CYLC1: variants seen among roughly 807,000 people sequenced by gnomAD.
The protein encoded by CYLC1 is cylicin-1.
Under a neutral mutation model 31.6 loss-of-function variants are expected in CYLC1, and 2 were observed. The ratio of observed to expected loss-of-function variants is 0.06; its 90% CI spans 0.03 to 0.20. CYLC1 has a LOEUF of 0.20. CYLC1 is among the 10% of genes least tolerant of loss of function. The probability of loss-of-function intolerance (pLI) is 1.00; values close to 1 mark genes in which losing one functional copy is unlikely to be tolerated. For synonymous variants in CYLC1, 185 were observed against 153.0 expected (o/e 1.21, Z -1.54); for missense variants, 595 against 424.1 (o/e 1.40, Z -3.54).
intron 4 of CYLC1, among the ~76,000 whole-genome samples, chrX:83,886,045 A>AT (rs768113953): frequency 2.2e-4 from 24 of 111,311 alleles, no homozygotes; most frequent in Middle Eastern, 9.4e-3. Flanking sequence ...AGAAATCTTC[A>AT]TTTTTGTGGA....
At chrX:83,861,465 C>T (rs1346654841) in intron 1 of CYLC1, among the ~76,000 whole-genome samples, 1 of 111,816 alleles carries the variant, frequency 8.9e-6, no homozygotes, top group Non-Finnish European at 1.9e-5. Flanking sequence ...CTTATAACTA[C>T]ATCTTGTTTT....
intron 1 of CYLC1, among the ~76,000 whole-genome samples, chrX:83,863,761 C>T (rs945836438): frequency 8.9e-6 from 1 of 111,880 alleles, no homozygotes; most frequent in East Asian, 2.8e-4. Flanking sequence ...CCTGTTAGAG[C>T]AGATGCTTTC....
chrX:83,885,169 A>G (rs754263371), intron 4 of CYLC1, among the ~76,000 whole-genome samples: 1 of 111,218 alleles, frequency 9.0e-6, no homozygotes, highest in South Asian at 3.7e-4. Context: ...CCCAAATCAC[A>G]ATATACAGGT....
At chrX:83,883,498 G>T (rs2031940669) in intron 4 of CYLC1, among the ~76,000 whole-genome samples, 1 of 111,676 alleles carries the variant, frequency 9.0e-6, no homozygotes, top group Non-Finnish European at 1.9e-5. Context: ...GGAAGTTAAA[G>T]TTTTCACCTA....
At chrX:83,864,033 A>AT (rs2031555479) in intron 1 of CYLC1, among the ~76,000 whole-genome samples, 1 of 111,303 alleles carries the variant, frequency 9.0e-6, no homozygotes, top group Non-Finnish European at 1.9e-5. Flanking sequence ...TGCCTTCATC[A>AT]TCACATGGCA....
chrX:83,878,537 T>C (rs1386716859), intron 4 of CYLC1, among the ~76,000 whole-genome samples: 2 of 80,267 alleles, frequency 2.5e-5, no homozygotes, highest in Admixed American at 1.9e-4. Flanking sequence ...AGCAGCTATA[T>C]ATATGAAAAT....
At chrX:83,865,905 G>A (rs1283194797) in intron 1 of CYLC1, among the ~76,000 whole-genome samples, 2 of 110,729 alleles carry the variant, frequency 1.8e-5, no homozygotes, top group Non-Finnish European at 3.8e-5. Flanking sequence ...GTATCTTTAG[G>A]GTATATTATT....
Position 83,872,974 on chromosome X carries a change from C to G in CYLC1, c.266C>G (p.Pro89Arg). Residue 89 changes from proline (P) to arginine (R), a missense_variant, in exon 4 of 5, where the codon CCC becomes CGC. Physicochemically the swap from Pro to Arg is moderately radical, Grantham distance 103 (BLOSUM62 -2). Coordinates refer to ENST00000329312, the MANE Select transcript of CYLC1 (RefSeq NM_021118.3). ...TTCAGAAAAATTTTGCAATGGCCAC[C>G]CATTTACACAGCTGCCAGGGAACAG... ...HSFRKILQWP[P>R]IYTAAREQTP... 8.3e-7 allele frequency: 1 copy of G among 1,203,403 alleles called. No homozygotes were observed. The highest frequency in any genetic ancestry group is 1.1e-6 in the Non-Finnish European group (1 of 891,989).
rs2031696269 is a variant in CYLC1 at position 83,873,078 on chromosome X, G to A, written c.370G>A (p.Gly124Arg). 8.4e-7 allele frequency: 1 copy of A among 1,194,358 alleles called. No individual in the cohort carries two copies. Among genetic ancestry groups the A allele is most frequent in the African/African-American group, 1.8e-5 (1 of 55,870 alleles). Residue 124 changes from glycine to arginine, a missense_variant, in exon 4 of 5, where the codon GGA (glycine) becomes AGA (arginine). Physicochemically the swap from Gly to Arg is moderately radical, Grantham distance 125. Transcript: ENST00000329312. ...TAAAAAGTCCAAAGATGAAAAAGGA[G>A]GAACACCTTTGAAGAAAGATTCCAA... ...EYKKSKDEKG[G>R]TPLKKDSKKK...
At chrX:83,872,605 G>A (rs1470792623) in intron 3 of CYLC1, among the ~76,000 whole-genome samples, 1 of 109,092 alleles carries the variant, frequency 9.2e-6, no homozygotes, top group Non-Finnish European at 1.9e-5. Flanking sequence ...AATGTCATGA[G>A]TCACTGTGGG....
rs771913445 is a variant in CYLC1, at chrX:83,873,355, C to A, written c.647C>A (p.Thr216Lys). Residue 216 changes from threonine (T) to lysine (K), a missense_variant, in exon 4 of 5, where the codon ACA becomes AAA. Thr to Lys is a moderately conservative substitution (Grantham distance 78). Transcript: ENST00000329312. ...SKKTNTEFLH[T>K]KNNPKKDLKR... Reference sequence around the variant, plus strand: ...AAGACAAACACTGAATTCCTACATACAAAGAACAATCCAAAGAAAGATTTG... The same window carrying A: ...AAGACAAACACTGAATTCCTACATAAAAAGAACAATCCAAAGAAAGATTTG... 8.3e-7 allele frequency: 1 copy of A among 1,201,968 alleles called. No individual in the cohort carries two copies. The highest frequency in any genetic ancestry group is 1.1e-6 in the Non-Finnish European group (1 of 888,553).
chrX:83,873,288 A>C lies in CYLC1; in HGVS notation c.580A>C (p.Asn194His), dbSNP rs2031700549. 1 of 1,202,323 alleles carries C rather than the reference A, an allele frequency of 8.3e-7. No homozygotes were observed. Among genetic ancestry groups the C allele is most frequent in the Non-Finnish European group, 1.1e-6 (1 of 891,535 alleles). Reference protein sequence around the residue: ...ESQNSKTVSKNCSQKDKKDSK... With the variant: ...ESQNSKTVSKHCSQKDKKDSK... ...CCAAAATTCTAAGACAGTCTCAAAA[A>C]ATTGTTCACAAAAAGATAAGAAAGA... is the stretch of plus-strand genomic sequence containing the variant. Residue 194 changes from asparagine to histidine, a missense_variant, in exon 4 of 5, where the codon AAT becomes CAT. Asn to His is a moderately conservative substitution (Grantham distance 68). Coordinates refer to ENST00000329312, the MANE Select transcript of CYLC1 (RefSeq NM_021118.3).
chrX:83,867,551 G>A (rs1415071881), intron 1 of CYLC1, among the ~76,000 whole-genome samples: 1 of 111,366 alleles, frequency 9.0e-6, no homozygotes, highest in Non-Finnish European at 1.9e-5. Context: ...AGCAAGGCTG[G>A]TTTCTTCTAA....
intron 4 of CYLC1, among the ~76,000 whole-genome samples, chrX:83,878,950 G>T (rs776447451): frequency 9.4e-6 from 1 of 106,562 alleles, no homozygotes; most frequent in African/African-American, 3.4e-5. Flanking sequence ...ACATAAGCAC[G>T]TAAGAACCAC....
chrX:83,873,758 T>A lies in CYLC1; in HGVS notation c.1050T>A (p.Asp350Glu). The A allele has an allele frequency of 8.4e-7, 1 of 1,185,647 alleles. No individual in the cohort carries two copies. Among genetic ancestry groups the A allele is most frequent in the Admixed American group, 2.3e-5 (1 of 43,244 alleles). Residue 350 changes from aspartate (D) to glutamate (E), a missense_variant, in exon 4 of 5, where the codon GAT becomes GAA. By Grantham distance (45) the Asp-to-Glu change is conservative. Coordinates refer to ENST00000329312, the MANE Select transcript of CYLC1 (RefSeq NM_021118.3). The part of the protein sequence containing the change: ...SKDERKDTKK[D>E]KKKLKKDDKK... ...ATGAAAGGAAAGATACAAAGAAGGATAAGAAAAAATTAAAGAAAGATGACA... is the reference window on the plus strand; with the variant it reads ...ATGAAAGGAAAGATACAAAGAAGGAAAAGAAAAAATTAAAGAAAGATGACA...
intron 4 of CYLC1, among the ~76,000 whole-genome samples, chrX:83,882,850 A>G (rs1452260533): frequency 9.0e-6 from 1 of 111,170 alleles, no homozygotes; most frequent in African/African-American, 3.3e-5. Flanking sequence ...CTAAGCTCCA[A>G]GAGATCAGAA....
At position 83,873,893 on chromosome X, in the gene CYLC1, C is replaced by G. The variant is rs2031716983; in HGVS notation, c.1185C>G (p.Asp395Glu). 1 of 1,193,643 alleles carries G rather than the reference C, an allele frequency of 8.4e-7. No homozygotes were observed. The highest frequency in any genetic ancestry group is 2.2e-5 in the Admixed American group (1 of 44,588). ...TGAAGAAAGCTTCAAAGAATGATGA[C>G]AAGAAAAAGGATGCAAAGAAAATTA... ...RNLKKASKND[D>E]KKKDAKKITF... Residue 395 changes from aspartate to glutamate, a missense_variant, in exon 4 of 5, where the codon GAC (aspartate) becomes GAG (glutamate). Coordinates refer to ENST00000329312, the MANE Select transcript of CYLC1 (RefSeq NM_021118.3).
intron 1 of CYLC1, among the ~76,000 whole-genome samples, chrX:83,868,485 T>C (rs2031620479): frequency 9.0e-6 from 1 of 110,955 alleles, no homozygotes; most frequent in Non-Finnish European, 1.9e-5. Flanking sequence ...CTACTATCAT[T>C]AAGATATTCT....
chrX:83,874,729 T>A (rs1223766798), intron 4 of CYLC1, 98 bp downstream of exon 4: 1 of 913,353 alleles, frequency 1.1e-6, no homozygotes, highest in African/African-American at 2.0e-5. Flanking sequence ...ATAGTTATCT[T>A]TTACTAGAAT....
Sources: gnomAD v4.1 joint callset for allele counts (sites outside exome capture counted in the v4.1 genomes callset) on GRCh38, gnomAD v4.1.1 for gene constraint, MANE v1.5 for transcripts, NCBI Gene and HGNC (gene_info 2026-07-23, HGNC 2026-07-21) for gene names.